Variants in KANSL1 observed in about 807,000 individuals in gnomAD.
KANSL1 encodes MLL1/MLL complex subunit KANSL1.
In KANSL1, 22 loss-of-function variants were observed where a neutral mutation model predicts 103.6. The ratio of observed to expected loss-of-function variants is 0.21; its 90% CI spans 0.15 to 0.30. The LOEUF is 0.30. Ranked by LOEUF, KANSL1 falls within the 10% of genes least tolerant of loss-of-function variation. The pLI, the probability that KANSL1 is intolerant of heterozygous loss-of-function variation, is 1.00. For missense variants in KANSL1, 1,337 were observed against 1,399.8 expected (o/e 0.96, Z 0.72); for synonymous variants, 600 against 527.6 (o/e 1.14, Z -1.88).
intron 2 of KANSL1, among the ~76,000 whole-genome samples, chr17:46,108,798 A>T (rs1316079279): frequency 3.9e-5 from 6 of 152,202 alleles, no homozygotes; most frequent in Admixed American, 3.3e-4. Flanking sequence ...AGACCTCATA[A>T]AACTAACTCT....
chr17:46,096,305 T>TTTTTTCTTTTTC (rs1310863561), intron 2 of KANSL1, among the ~76,000 whole-genome samples: 5 of 122,536 alleles, frequency 4.1e-5, no homozygotes, highest in African/African-American at 1.2e-4. Flanking sequence ...TACCTGGCTT[T>TTTTTTCTTTTTC]TTTTTCTTTT....
At chr17:46,177,825 T>C (rs564093081) in intron 1 of KANSL1, among the ~76,000 whole-genome samples, 40 of 152,216 alleles carry the variant, frequency 2.6e-4, no homozygotes, top group African/African-American at 9.6e-4. Context: ...TCACCCAGGC[T>C]GGAGAGCAGT....
chr17:46,156,223 T>C (rs2532293), intron 2 of KANSL1, among the ~76,000 whole-genome samples: 21,950 of 152,190 alleles, frequency 0.14, 2,137 homozygotes, highest in Middle Eastern at 0.22. Flanking sequence ...AGTTCATGCC[T>C]GTAATCCCAG....
intron 3 of KANSL1, chr17:46,088,352 AG>A (rs1480191541): frequency 6.6e-6 from 1 of 152,358 alleles, no homozygotes; most frequent in African/African-American, 2.4e-5. Context: ...CAGTTCCACA[AG>A]AATCACCCTG....
At chr17:46,096,311 C>CTTTCTTTTTTTT in intron 2 of KANSL1, among the ~76,000 whole-genome samples, 1 of 76,408 alleles carries the variant, frequency 1.3e-5, no homozygotes, top group Non-Finnish European at 2.5e-5. Flanking sequence ...GCTTTTTTTT[C>CTTTCTTTTTTTT]TTTTTTTTTT....
intron 2 of KANSL1, among the ~76,000 whole-genome samples, chr17:46,153,437 T>A (rs1277534332): frequency 6.6e-6 from 1 of 152,194 alleles, no homozygotes; most frequent in African/African-American, 2.4e-5. Context: ...GATTAACTAG[T>A]AAATATATAA....
chr17:46,162,182 ATAG>A (rs1375938581), intron 2 of KANSL1, among the ~76,000 whole-genome samples: 2 of 152,220 alleles, frequency 1.3e-5, no homozygotes, highest in African/African-American at 4.8e-5. Context: ...CAGATGCACA[ATAG>A]AAAATTGGAG....
chr17:46,094,968 T>C (rs2146950834), intron 2 of KANSL1, among the ~76,000 whole-genome samples: 1 of 152,324 alleles, frequency 6.6e-6, no homozygotes, highest in South Asian at 2.1e-4. Flanking sequence ...CCCTTTAATT[T>C]CTCTGGGACA....
intron 2 of KANSL1, among the ~76,000 whole-genome samples, chr17:46,126,116 C>T (rs925610093): frequency 6.6e-6 from 1 of 152,088 alleles, no homozygotes; most frequent in African/African-American, 2.4e-5. Context: ...AAAAGTCGGC[C>T]GGGCACAGTG....
At chr17:46,125,068 A>AG (rs1475515204) in intron 2 of KANSL1, among the ~76,000 whole-genome samples, 2 of 23,030 alleles carry the variant, frequency 8.7e-5, no homozygotes, top group African/African-American at 3.3e-4. Flanking sequence ...GGAGGGAGGG[A>AG]GGAGGGAGGG....
intron 2 of KANSL1, among the ~76,000 whole-genome samples, chr17:46,151,926 ATGGAATCTCCTGG>A (rs2045129897): frequency 6.6e-6 from 1 of 152,232 alleles, no homozygotes; most frequent in Admixed American, 6.5e-5. Context: ...TGGCTACATC[ATGGAATCTCCTGG>A]TGAATTTTAA....
chr17:46,102,292 C>T (rs2042356054), intron 2 of KANSL1, among the ~76,000 whole-genome samples: 1 of 152,158 alleles, frequency 6.6e-6, no homozygotes, highest in Admixed American at 6.5e-5. Context: ...CTCTGTCACC[C>T]AGGCTGGAGT....
intron 1 of KANSL1, among the ~76,000 whole-genome samples, chr17:46,217,353 G>A (rs1455765711): frequency 6.6e-6 from 1 of 152,018 alleles, no homozygotes; most frequent in East Asian, 1.9e-4. Context: ...GCGAGCACCT[G>A]TAACTCCAGC....
Position 46,039,647 on chromosome 17 carries a change from A to C in KANSL1, c.2203+55T>G, listed in dbSNP as rs934186127. 2.6e-6 allele frequency: 4 copies of C among 1,552,504 alleles called. No individual in the cohort carries two copies. In the Admixed American group the frequency reaches 7.8e-5, roughly 30 times the overall value. ...GCAAACTACAAATTTGAGAATATAA[A>C]AGGAATGAAAAGTCACTGATACTCT... On this transcript the variant is annotated intron_variant, in intron 8 of 14. Coordinates refer to ENST00000432791, the MANE Select transcript of KANSL1 (RefSeq NM_015443.4).
intron 2 of KANSL1, among the ~76,000 whole-genome samples, chr17:46,134,371 T>C (rs1336312959): frequency 6.6e-6 from 1 of 151,948 alleles, no homozygotes; most frequent in African/African-American, 2.4e-5. Flanking sequence ...CACTACAGCC[T>C]GGGCAACAAG....
chr17:46,211,630 C>T (rs1445290259), intron 1 of KANSL1, among the ~76,000 whole-genome samples: 1 of 152,146 alleles, frequency 6.6e-6, no homozygotes, highest in African/African-American at 2.4e-5. Context: ...GACAAAGATC[C>T]TGGAAGGAGG....
At chr17:46,165,183 A>G (rs2045932807) in intron 2 of KANSL1, among the ~76,000 whole-genome samples, 1 of 152,222 alleles carries the variant, frequency 6.6e-6, no homozygotes, top group South Asian at 2.1e-4. Context: ...TGGCAACATC[A>G]TCTGTGTATT....
At chr17:46,198,226 G>A (rs1364024340), upstream of KANSL1, among the ~76,000 whole-genome samples, 1 of 152,126 alleles carries the variant, frequency 6.6e-6, no homozygotes, top group Non-Finnish European at 1.5e-5. Flanking sequence ...TTTGGGCAAA[G>A]TACGTATTCT....
chr17:46,112,141 T>G (rs1412241366), intron 2 of KANSL1, among the ~76,000 whole-genome samples: 1 of 151,718 alleles, frequency 6.6e-6, no homozygotes, highest in Non-Finnish European at 1.5e-5. Flanking sequence ...CCAAGGTGGG[T>G]GGATTGCCTG....
Sources: allele counts gnomAD v4.1 joint callset (sites outside exome capture counted in the v4.1 genomes callset), GRCh38; gene constraint gnomAD v4.1.1; transcripts MANE v1.5; gene names NCBI Gene and HGNC (gene_info 2026-07-23, HGNC 2026-07-21).